Variants in CELF2 observed in about 807,000 individuals in gnomAD.
CELF2 encodes the protein CUGBP Elav-like family member 2.
A neutral mutation model predicts 62.6 loss-of-function variants in CELF2; 8 were observed. The observed-to-expected ratio is 0.13, with a 90% confidence interval of 0.07 to 0.23. The LOEUF (loss-of-function observed/expected upper bound fraction) is 0.23, where lower values mean the gene tolerates loss of function less well. Ranked by LOEUF, CELF2 falls within the 10% of genes least tolerant of loss-of-function variation. The pLI is 1.00. For missense variants in CELF2, 333 were observed against 671.0 expected (o/e 0.50, Z 5.56); for synonymous variants, 258 against 250.0 (o/e 1.03, Z -0.30).
At chr10:10,477,924 A>T in the CELF2 span, among the ~76,000 whole-genome samples, 1 of 152,140 alleles carries the variant, frequency 6.6e-6, no homozygotes, top group Non-Finnish European at 1.5e-5. Context: ...ATAATGGGGC[A>T]GTTTATTATT....
chr10:11,007,924 C>T (rs190725451), intron 1 of CELF2, among the ~76,000 whole-genome samples: 4 of 152,188 alleles, frequency 2.6e-5, no homozygotes, highest in Admixed American at 2.6e-4. Context: ...CAGTTAGGTA[C>T]GGAAACGAGG....
the CELF2 span, among the ~76,000 whole-genome samples, chr10:10,677,780 C>A: frequency 0.29 from 44,087 of 152,026 alleles, 7,034 homozygotes; most frequent in South Asian, 0.52. Context: ...CCTAGCTGTT[C>A]TCTGCTAAGC....
At chr10:10,645,721 G>A in the CELF2 span, among the ~76,000 whole-genome samples, 9 of 152,208 alleles carry the variant, frequency 5.9e-5, no homozygotes, top group African/African-American at 2.2e-4. Context: ...CAGGGAGAGT[G>A]TCCTGTTCAC....
the CELF2 span, among the ~76,000 whole-genome samples, chr10:10,595,154 C>T: frequency 1.3e-5 from 2 of 152,188 alleles, no homozygotes; most frequent in African/African-American, 4.8e-5. Flanking sequence ...ACTGATACCA[C>T]AGACCATCTT....
intron 2 of CELF2, among the ~76,000 whole-genome samples, chr10:10,958,207 T>G (rs192565990): frequency 1.3e-5 from 2 of 152,356 alleles, no homozygotes; most frequent in East Asian, 3.8e-4. Flanking sequence ...GGAGAGGTTT[T>G]GCTGAAATCT....
At position 11,012,697 on chromosome 10, in the gene CELF2, TG is replaced by T. The variant is rs1231737374; in HGVS notation, c.53+7261del. Among the ~76,000 whole-genome samples, 8 of 152,118 alleles carry T rather than the reference TG, an allele frequency of 5.3e-5. No homozygotes were observed. The South Asian group carries it at 6.2e-4, about 12-fold the overall frequency. The stretch of plus-strand genomic sequence containing the variant: ...AGTAAGACAAGAACTTCTGACCAGT[TG>T]GGGAAAACATGTCGTCGGGGTGGGG... On this transcript the variant is annotated intron_variant, in intron 1 of 12. Transcript: ENST00000416382. This position sits in a 1 kb window ranked among gnomAD's most constrained non-coding sequence, Gnocchi z 5.5.
chr10:11,005,495 G>T lies in CELF2; in HGVS notation c.53+55G>T. On this transcript the variant is annotated intron_variant, in intron 1 of 12. Transcript: ENST00000416382. This position sits in a 1 kb window ranked among gnomAD's most constrained non-coding sequence, Gnocchi z 4.3. ...CACGCTTTTCTAGTTTCTAGAGCTG[G>T]CTGAGACAATAATTATGCTCTGAAT... The T allele has an allele frequency of 1.2e-6, 2 of 1,613,400 alleles. No individual in the cohort carries two copies. Among genetic ancestry groups the T allele is most frequent in the Middle Eastern group, 3.3e-4 (2 of 6,060 alleles).
chr10:10,694,750 C>G, the CELF2 span, among the ~76,000 whole-genome samples: 3 of 151,678 alleles, frequency 2.0e-5, no homozygotes, highest in Admixed American at 6.6e-5. Context: ...TGAATTGATC[C>G]CTTTACCATT....
intron 1 of CELF2, among the ~76,000 whole-genome samples, chr10:11,158,354 C>G (rs1368603731): frequency 6.6e-6 from 1 of 152,120 alleles, no homozygotes; most frequent in Non-Finnish European, 1.5e-5. Flanking sequence ...GTCCCTAAAG[C>G]GCTTTGGGAA....
intron 1 of CELF2, among the ~76,000 whole-genome samples, chr10:10,807,710 G>A (rs1053962964): frequency 6.6e-6 from 1 of 152,160 alleles, no homozygotes; most frequent in Non-Finnish European, 1.5e-5. Flanking sequence ...GAGTATTAAA[G>A]AGCCAGCAAT....
intron 2 of CELF2, among the ~76,000 whole-genome samples, chr10:10,940,147 C>T (rs1425835803): frequency 6.6e-6 from 1 of 152,042 alleles, no homozygotes; most frequent in South Asian, 2.1e-4. Flanking sequence ...AGGGTTGGCA[C>T]GAGAGAGCAC....
the CELF2 span, among the ~76,000 whole-genome samples, chr10:10,489,405 C>T: frequency 6.6e-6 from 1 of 152,118 alleles, no homozygotes; most frequent in Non-Finnish European, 1.5e-5. Flanking sequence ...AACTAGACTA[C>T]ATTTTTCAGT....
chr10:10,599,795 G>A, the CELF2 span, among the ~76,000 whole-genome samples: 2 of 145,184 alleles, frequency 1.4e-5, no homozygotes, highest in Non-Finnish European at 3.0e-5. Flanking sequence ...GCAGTGGCAC[G>A]ATCTCGGCTC....
At chr10:10,506,226 T>C in the CELF2 span, among the ~76,000 whole-genome samples, 2 of 152,118 alleles carry the variant, frequency 1.3e-5, no homozygotes, top group Admixed American at 1.3e-4. Context: ...CTCATGCTTT[T>C]TTTTGTTTCC....
chr10:11,056,706 G>A (rs2065319888), intron 1 of CELF2, among the ~76,000 whole-genome samples: 1 of 152,162 alleles, frequency 6.6e-6, no homozygotes, highest in African/African-American at 2.4e-5. Context: ...GATGAAGCAG[G>A]ATCAGAGGAT....
chr10:11,006,900 G>A (rs1006060408), intron 1 of CELF2, among the ~76,000 whole-genome samples: 1 of 152,194 alleles, frequency 6.6e-6, no homozygotes, highest in African/African-American at 2.4e-5. Flanking sequence ...GGTTTCTAAG[G>A]TGAGAACAGT....
chr10:10,871,976 T>C (rs541827301), intron 1 of CELF2, among the ~76,000 whole-genome samples: 1 of 152,182 alleles, frequency 6.6e-6, no homozygotes, highest in Non-Finnish European at 1.5e-5. Flanking sequence ...TTGACAAAAA[T>C]TTCTATTTTG....
chr10:10,532,676 T>A, the CELF2 span, among the ~76,000 whole-genome samples: 8 of 152,332 alleles, frequency 5.3e-5, no homozygotes, highest in African/African-American at 1.9e-4. Context: ...TAGATATCAC[T>A]TGTTAAATGA....
the CELF2 span, among the ~76,000 whole-genome samples, chr10:10,743,684 G>A: frequency 4.6e-5 from 7 of 152,284 alleles, no homozygotes; most frequent in East Asian, 1.3e-3. Flanking sequence ...CACACTTGAT[G>A]TCATAATCCT....
Sources: allele counts gnomAD v4.1 joint callset (sites outside exome capture counted in the v4.1 genomes callset), GRCh38; gene constraint gnomAD v4.1.1; non-coding constraint Gnocchi (gnomAD v3.1); transcripts MANE v1.5; gene names NCBI Gene and HGNC (gene_info 2026-07-23, HGNC 2026-07-21).